The following FAM193A variants were observed in gnomAD, a reference collection of about 807,000 sequenced individuals.
FAM193A encodes family with sequence similarity 193 member A, also known as protein FAM193A.
FAM193A carries 22 observed loss-of-function variants against 126.5 expected under a neutral mutation model. The ratio of observed to expected loss-of-function variants is 0.17; its 90% CI spans 0.12 to 0.25. The LOEUF (loss-of-function observed/expected upper bound fraction) is 0.25, where lower values mean the gene tolerates loss of function less well. Among genes scored for constraint, FAM193A ranks in the 10% least tolerant of loss-of-function variants. The pLI is 1.00. For synonymous variants in FAM193A, 761 were observed against 646.8 expected (o/e 1.18, Z -2.68); for missense variants, 1,675 against 1,672.8 (o/e 1.00, Z -0.02).
intron 2 of FAM193A, among the ~76,000 whole-genome samples, chr4:2,596,998 C>T (rs1472615387): frequency 4.6e-5 from 7 of 152,162 alleles, no homozygotes; most frequent in Non-Finnish European, 7.3e-5. Flanking sequence ...AGCCAGGAAA[C>T]GTGTGCATTC....
chr4:2,587,416 GGTGTGGTGGC>G (rs1447265799), intron 1 of FAM193A, among the ~76,000 whole-genome samples: 1 of 152,330 alleles, frequency 6.6e-6, no homozygotes, highest in Non-Finnish European at 1.5e-5. Flanking sequence ...TCCAGCACTG[GGTGTGGTGGC>G]ACGTGCCTGT....
chr4:2,720,454 C>T (rs565266028), intron 20 of FAM193A, among the ~76,000 whole-genome samples: 19 of 152,150 alleles, frequency 1.2e-4, no homozygotes, highest in Non-Finnish European at 2.6e-4. Context: ...GAGTTTGAGA[C>T]CAGCCTGAGC....
At chr4:2,548,359 C>T (rs1014060057) in intron 1 of FAM193A, among the ~76,000 whole-genome samples, 1 of 152,200 alleles carries the variant, frequency 6.6e-6, no homozygotes, top group East Asian at 1.9e-4. Context: ...GGGTGAGCCA[C>T]CATGCCCGGC....
At chr4:2,598,275 T>C (rs78168512) in intron 2 of FAM193A, among the ~76,000 whole-genome samples, 4,576 of 152,324 alleles carry the variant, frequency 0.03, 242 homozygotes, top group African/African-American at 0.1. Flanking sequence ...TTTTGAGAGT[T>C]ACCCAAAATG....
chr4:2,642,135 A>AT (rs1491286684), intron 6 of FAM193A, among the ~76,000 whole-genome samples: 1 of 55,480 alleles, frequency 1.8e-5, no homozygotes, highest in Non-Finnish European at 3.6e-5. Context: ...CTAAAAATAC[A>AT]AAAAAAAAAA....
intron 1 of FAM193A, among the ~76,000 whole-genome samples, chr4:2,573,831 C>G (rs1739429436): frequency 6.6e-6 from 1 of 152,112 alleles, no homozygotes; most frequent in South Asian, 2.1e-4. Context: ...GATACTTGAA[C>G]AAGGCCTGAG....
intron 1 of FAM193A, among the ~76,000 whole-genome samples, chr4:2,581,108 G>C (rs1015954871): frequency 1.3e-5 from 2 of 149,240 alleles, no homozygotes; most frequent in Admixed American, 1.3e-4. Flanking sequence ...CACCCTGGGC[G>C]ATAGAGCAAG....
intron 20 of FAM193A, among the ~76,000 whole-genome samples, chr4:2,720,319 T>TAA (rs889622867): frequency 6.6e-6 from 1 of 152,216 alleles, no homozygotes; most frequent in Admixed American, 6.5e-5. Flanking sequence ...AGCAAGGGGC[T>TAA]AACTGTGTAG....
chr4:2,594,311 G>A (rs1427616704), intron 1 of FAM193A, among the ~76,000 whole-genome samples: 3 of 152,150 alleles, frequency 2.0e-5, no homozygotes, highest in Non-Finnish European at 4.4e-5. Context: ...GGGCCAATCC[G>A]TTATGTACAG....
chr4:2,578,268 A>G (rs1325217470), intron 1 of FAM193A, among the ~76,000 whole-genome samples: 1 of 151,948 alleles, frequency 6.6e-6, no homozygotes, highest in African/African-American at 2.4e-5. Flanking sequence ...TATTTTTCTG[A>G]TTTTAATTTG....
chr4:2,667,210 A>G (rs1483046324), intron 12 of FAM193A, among the ~76,000 whole-genome samples: 1 of 152,182 alleles, frequency 6.6e-6, no homozygotes, highest in Admixed American at 6.5e-5. Flanking sequence ...AGTCTTCTGT[A>G]TTGTCTTGGT....
rs748211254 is a variant in FAM193A, at chr4:2,693,582, G to A, written c.2804-4G>A. On this transcript the variant is annotated splice_polypyrimidine_tract_variant and splice_region_variant and intron_variant, in intron 15 of 20. Transcript: ENST00000637812. ...GGCAGTGACTCTCGCCTCTCTAAAT[G>A]CAGGTGACGTGTTTCATGGCATCAG... 1.9e-6 allele frequency: 3 copies of A among 1,606,318 alleles called. No individual in the cohort carries two copies. Among genetic ancestry groups the A allele is most frequent in the Non-Finnish European group, 2.6e-6 (3 of 1,174,118 alleles).
rs1716130262 is a variant in FAM193A at position 2,689,598 on chromosome 4, G to C, written c.2424G>C (p.Gly808=). 6.4e-7 allele frequency: 1 copy of C among 1,555,356 alleles called. No homozygotes were observed. The highest frequency in any genetic ancestry group is 8.6e-7 in the Non-Finnish European group (1 of 1,158,356). ...ACCATATTTATCCGAGCTGTTTTGG[G>C]AATACTCCAGAGTGGAATAGTTCTA... ...LQDHIYPSCF[G]NTPEWNSSKF... The change falls in exon 14 of 21, where the codon GGG becomes GGC. Residue 808 remains glycine (G), a synonymous_variant. Transcript: ENST00000637812.
intron 8 of FAM193A, among the ~76,000 whole-genome samples, chr4:2,658,398 C>T (rs1711973361): frequency 6.6e-6 from 1 of 152,134 alleles, no homozygotes; most frequent in Non-Finnish European, 1.5e-5. Context: ...CTCCTCCAGG[C>T]AGGCTTGTGC....
chr4:2,692,097 TAATC>T (rs1232000718), intron 15 of FAM193A, among the ~76,000 whole-genome samples: 1 of 152,218 alleles, frequency 6.6e-6, no homozygotes, highest in Non-Finnish European at 1.5e-5. Flanking sequence ...GCGCTTGTGT[TAATC>T]AATTCTCACA....
At chr4:2,641,937 T>TA (rs1015777590) in intron 6 of FAM193A, among the ~76,000 whole-genome samples, 1 of 146,706 alleles carries the variant, frequency 6.8e-6, no homozygotes, top group Non-Finnish European at 1.5e-5. Flanking sequence ...CCCCATCTCT[T>TA]AAAAAAGAAA....
At chr4:2,670,294 C>CT (rs916082795) in intron 12 of FAM193A, among the ~76,000 whole-genome samples, 1 of 151,948 alleles carries the variant, frequency 6.6e-6, no homozygotes, top group Admixed American at 6.6e-5. Flanking sequence ...TTTTGTTTCT[C>CT]TTTTTTTGTA....
At chr4:2,696,684 C>A (rs1717077362) in intron 18 of FAM193A, 91 bp downstream of exon 18, 1 of 977,040 alleles carries the variant, frequency 1.0e-6, no homozygotes. Flanking sequence ...GGCTGAGCCA[C>A]AGGAGGTCGG....
At chr4:2,571,197 T>G (rs900545092) in intron 1 of FAM193A, among the ~76,000 whole-genome samples, 1 of 152,170 alleles carries the variant, frequency 6.6e-6, no homozygotes, top group Non-Finnish European at 1.5e-5. Context: ...ACATTTCCCG[T>G]AAGTGGACCA....
Sources: gnomAD v4.1 joint callset for allele counts (sites outside exome capture counted in the v4.1 genomes callset) on GRCh38, gnomAD v4.1.1 for gene constraint, MANE v1.5 for transcripts, NCBI Gene and HGNC (gene_info 2026-07-23, HGNC 2026-07-21) for gene names.